The following UFD1 variants were observed in gnomAD, a reference collection of about 807,000 sequenced individuals.
The protein encoded by UFD1 is ubiquitin recognition factor in ER-associated degradation protein 1.
A neutral mutation model predicts 45.9 loss-of-function variants in UFD1; 13 were observed. The observed-to-expected ratio is 0.28, with a 90% CI of 0.18 to 0.45. The LOEUF (loss-of-function observed/expected upper bound fraction) is 0.45, where lower values mean the gene tolerates loss of function less well. UFD1 is among the 20% of genes least tolerant of loss of function. UFD1 has a pLI of 1.00. For synonymous variants in UFD1, 128 were observed against 139.2 expected (o/e 0.92, Z 0.56); for missense variants, 218 against 389.2 (o/e 0.56, Z 3.70).
At chr22:19,460,384 G>A (rs2089757400) in intron 6 of UFD1, among the ~76,000 whole-genome samples, 1 of 152,168 alleles carries the variant, frequency 6.6e-6, no homozygotes, top group South Asian at 2.1e-4. Flanking sequence ...GGAAAGAATT[G>A]GAAGACAGTA....
chr22:19,465,158 G>T (rs1457304245), intron 6 of UFD1, 44 bp downstream of exon 6: 2 of 1,565,620 alleles, frequency 1.3e-6, no homozygotes, highest in Non-Finnish European at 1.8e-6. Flanking sequence ...AATGGACACT[G>T]CAGGTGGCTC....
At chr22:19,453,390 A>G in intron 11 of UFD1, 1 of 985,464 alleles carries the variant, frequency 1.0e-6, no homozygotes, top group Non-Finnish European at 1.2e-6. Context: ...TATGTCTTCA[A>G]TCCCATCTTT....
At chr22:19,468,752 C>G (rs541490203) in intron 4 of UFD1, among the ~76,000 whole-genome samples, 19 of 152,204 alleles carry the variant, frequency 1.2e-4, no homozygotes, top group Non-Finnish European at 2.8e-4. Context: ...GACAGTTGGA[C>G]AGTGCTCACG....
At chr22:19,467,815 A>C in intron 5 of UFD1, 58 bp downstream of exon 5, 1 of 1,601,928 alleles carries the variant, frequency 6.2e-7, no homozygotes, top group African/African-American at 1.3e-5. Flanking sequence ...ATGATGTTTA[A>C]CAACCGCCAG....
intron 4 of UFD1, 100 bp downstream of exon 4, chr22:19,471,587 G>A: frequency 6.6e-7 from 1 of 1,513,388 alleles, no homozygotes; most frequent in Non-Finnish European, 8.9e-7. Flanking sequence ...TGAGCAGGAG[G>A]AGTAGGCGGG....
At chr22:19,450,814 G>C in intron 11 of UFD1, 70 bp from the exon 12 acceptor site, 1 of 1,611,324 alleles carries the variant, frequency 6.2e-7, no homozygotes, top group East Asian at 2.2e-5. Context: ...TTACTCTATG[G>C]ACTCACGTAC....
intron 6 of UFD1, among the ~76,000 whole-genome samples, chr22:19,461,790 G>A (rs994710306): frequency 6.6e-6 from 1 of 151,588 alleles, no homozygotes; most frequent in Admixed American, 6.6e-5. Context: ...TTACTTGACT[G>A]GCTATACAAT....
intron 11 of UFD1, chr22:19,453,603 G>A: frequency 5.1e-6 from 5 of 985,570 alleles, no homozygotes; most frequent in Non-Finnish European, 6.0e-6. Context: ...GGTGCCTGAA[G>A]GAGGAGCTGG....
chr22:19,470,820 G>C (rs2089839273), intron 4 of UFD1: 1 of 467,500 alleles, frequency 2.1e-6, no homozygotes, highest in South Asian at 1.5e-5. Context: ...CACCATGATA[G>C]GGCATCAGCA....
chr22:19,456,655 C>T (rs765094434), intron 8 of UFD1, 21 bp from the exon 9 acceptor site: 33 of 1,614,204 alleles, frequency 2.0e-5, no homozygotes, highest in Non-Finnish European at 2.7e-5. Flanking sequence ...AAAAGAAAAA[C>T]AGGTGAGCTC....
intron 4 of UFD1, 132 bp downstream of exon 4, chr22:19,471,554 TG>T: frequency 7.4e-7 from 1 of 1,347,930 alleles, no homozygotes; most frequent in Non-Finnish European, 1.0e-6. Context: ...TCTCTCTCGC[TG>T]GGTCGGCTCA....
chr22:19,456,768 T>C (rs992312098), intron 8 of UFD1, 85 bp downstream of exon 8: 6 of 1,611,884 alleles, frequency 3.7e-6, no homozygotes, highest in Non-Finnish European at 5.1e-6. Context: ...ACACCAACAC[T>C]AGCAGAGGCC....
At chr22:19,473,598 C>A (rs190236919) in intron 3 of UFD1, among the ~76,000 whole-genome samples, 2 of 152,304 alleles carry the variant, frequency 1.3e-5, no homozygotes, top group Non-Finnish European at 1.5e-5. Context: ...ACTGTGAACT[C>A]CATAGCTCTG....
At position 19,450,571 on chromosome 22, in the gene UFD1, A is replaced by G; in HGVS notation, c.*99T>C. 1 of 1,434,022 alleles carries G rather than the reference A, an allele frequency of 7.0e-7. No individual in the cohort carries two copies. The highest frequency in any genetic ancestry group is 9.7e-7 in the Non-Finnish European group (1 of 1,029,066). The allele number at this position is 1,434,022 out of a possible 1,614,324, so 88.8% of individuals were successfully genotyped here. A position where few individuals can be genotyped will look rare whatever the true frequency, so the allele number is the denominator to read the frequency against. On this transcript the variant is annotated 3_prime_UTR_variant, in exon 12 of 12. Coordinates refer to ENST00000263202, the MANE Select transcript of UFD1 (RefSeq NM_005659.7). The stretch of plus-strand genomic sequence containing the variant: ...CTAAATAAATCTTAAGTAACAGAGT[A>G]TTCTCTGATGAGGCTCGTCCCTGTC...
intron 6 of UFD1, among the ~76,000 whole-genome samples, chr22:19,459,671 G>A (rs1424863594): frequency 6.6e-6 from 1 of 151,014 alleles, no homozygotes; most frequent in Admixed American, 6.6e-5. Context: ...GAAATTAAAA[G>A]TGGCCCTATC....
chr22:19,470,849 T>A, intron 4 of UFD1: 1 of 458,232 alleles, frequency 2.2e-6, no homozygotes, highest in Non-Finnish European at 4.4e-6. Flanking sequence ...GGGCTGTGCT[T>A]CAGACCACCT....
chr22:19,454,618 G>T, intron 11 of UFD1, 131 bp downstream of exon 11: 1 of 1,538,980 alleles, frequency 6.5e-7, no homozygotes. Context: ...GCCCAGTCTC[G>T]GGTACATCTT....
chr22:19,460,613 C>A (rs980990520), intron 6 of UFD1, among the ~76,000 whole-genome samples: 4 of 152,042 alleles, frequency 2.6e-5, no homozygotes, highest in Admixed American at 6.6e-5. Context: ...AGACACAACA[C>A]ACACCAGACG....
At chr22:19,454,272 A>C in intron 11 of UFD1, 1 of 998,272 alleles carries the variant, frequency 1.0e-6, no homozygotes, top group African/African-American at 1.7e-5. Context: ...GGACCCTAGG[A>C]AAGGGAAAAC....
Sources: gnomAD v4.1 joint callset for allele counts (sites outside exome capture counted in the v4.1 genomes callset) on GRCh38, gnomAD v4.1.1 for gene constraint, MANE v1.5 for transcripts, NCBI Gene and HGNC (gene_info 2026-07-23, HGNC 2026-07-21) for gene names.